Variants in LRRC7 observed in about 807,000 individuals in gnomAD.
The protein encoded by LRRC7 is leucine-rich repeat-containing protein 7.
LRRC7 carries 23 observed loss-of-function variants against 175.7 expected under a neutral mutation model. The observed-to-expected ratio is 0.13, with a 90% CI of 0.09 to 0.19. The LOEUF (loss-of-function observed/expected upper bound fraction) is 0.19, where lower values mean the gene tolerates loss of function less well. Ranked by LOEUF, LRRC7 falls within the 10% of genes least tolerant of loss-of-function variation. The probability of loss-of-function intolerance (pLI) is 1.00; values close to 1 mark genes in which losing one functional copy is unlikely to be tolerated. For missense variants in LRRC7, 1,354 were observed against 1,904.7 expected, an observed-to-expected ratio of 0.71 and a Z score of 5.38; for synonymous variants, 685 against 680.9, an observed-to-expected ratio of 1.01 and a Z score of -0.09.
At chr1:69,757,884 C>T (rs939031407) in intron 2 of LRRC7, among the ~76,000 whole-genome samples, 1 of 151,724 alleles carries the variant, frequency 6.6e-6, no homozygotes, top group Non-Finnish European at 1.5e-5. Flanking sequence ...AAATTAAAAA[C>T]CTGGAAATCT....
chr1:69,958,024 A>G (rs994073944), intron 8 of LRRC7, among the ~76,000 whole-genome samples: 9 of 151,962 alleles, frequency 5.9e-5, no homozygotes, highest in Non-Finnish European at 1.5e-5. Context: ...AAACAGATAT[A>G]CTGTAGAAAC....
rs558025579 is a variant in LRRC7 at position 69,923,262 on chromosome 1, G to C, written c.648-8245G>C. Among the ~76,000 whole-genome samples, 18 of 152,278 alleles carry C rather than the reference G, an allele frequency of 1.2e-4. No individual in the cohort carries two copies. In the South Asian group the frequency reaches 1.7e-3, roughly 14 times the overall value. ...TTCCAAGTCTTTGCTATTGTGAATA[G>C]TGCTGCAATAAACATACATGTGCAT... is the stretch of plus-strand genomic sequence containing the variant. On this transcript the variant is annotated intron_variant, in intron 7 of 26. Coordinates refer to ENST00000651989, the MANE Select transcript of LRRC7 (RefSeq NM_001370785.2).
chr1:69,820,730 A>T (rs753739209), intron 4 of LRRC7, among the ~76,000 whole-genome samples: 4 of 152,154 alleles, frequency 2.6e-5, no homozygotes, highest in African/African-American at 4.8e-5. Flanking sequence ...CATGGTGTAT[A>T]TGTGGCACAT....
chr1:69,939,676 AT>A (rs541880569), intron 8 of LRRC7, among the ~76,000 whole-genome samples: 1 of 152,034 alleles, frequency 6.6e-6, no homozygotes, highest in Admixed American at 6.6e-5. Context: ...AGAAGTGTTG[AT>A]TTTTGTGACT....
At chr1:69,587,234 T>C (rs1473008543) in intron 1 of LRRC7, among the ~76,000 whole-genome samples, 1 of 152,190 alleles carries the variant, frequency 6.6e-6, no homozygotes, top group Non-Finnish European at 1.5e-5. Context: ...TATGAGCATA[T>C]GCTTTTTCTT....
At chr1:69,850,115 C>T (rs963506944) in intron 7 of LRRC7, among the ~76,000 whole-genome samples, 14 of 151,600 alleles carry the variant, frequency 9.2e-5, no homozygotes, top group African/African-American at 3.2e-4. Flanking sequence ...TCCAGAAAGA[C>T]CTTTATGAAC....
chr1:69,738,041 C>T lies in LRRC7; in HGVS notation c.101-22150C>T, dbSNP rs527783199. On this transcript the variant is annotated intron_variant, in intron 2 of 26. Transcript: ENST00000651989. ...AGGAAATCTGACTATTTGGCAGAAA[C>T]GGCTTAATCTTATTCCAGAGGATGA... Among the ~76,000 whole-genome samples the T allele has an allele frequency of 2.0e-4, 31 of 152,064 alleles. 1 individual carries two copies. The South Asian group carries it at 5.2e-3, about 25-fold the overall frequency.
intron 2 of LRRC7, among the ~76,000 whole-genome samples, chr1:69,717,085 TTC>T (rs1376044019): frequency 6.6e-6 from 1 of 151,578 alleles, no homozygotes; most frequent in East Asian, 1.9e-4. Context: ...ATACTTTTTT[TTC>T]AAGATAGAAC....
At chr1:69,810,240 G>C (rs965013888) in intron 4 of LRRC7, among the ~76,000 whole-genome samples, 4 of 152,084 alleles carry the variant, frequency 2.6e-5, no homozygotes, top group Non-Finnish European at 5.9e-5. Flanking sequence ...TCTTCAAGGA[G>C]AACTACAAAC....
chr1:70,061,342 T>G (rs1290904589), intron 23 of LRRC7, among the ~76,000 whole-genome samples: 2 of 152,104 alleles, frequency 1.3e-5, no homozygotes, highest in Non-Finnish European at 2.9e-5. Context: ...AGATGGAGAT[T>G]CTCTGTTTCC....
intron 1 of LRRC7, among the ~76,000 whole-genome samples, chr1:69,611,181 A>T (rs1773331): frequency 0.99 from 150,357 of 152,120 alleles, 74,333 homozygotes; most frequent in Middle Eastern, 1. Context: ...TTAAAGTCAC[A>T]CCACTTTAAT....
intron 24 of LRRC7, among the ~76,000 whole-genome samples, chr1:70,085,264 T>C (rs1663520575): frequency 2.0e-5 from 3 of 152,144 alleles, no homozygotes; most frequent in Non-Finnish European, 4.4e-5. Context: ...TTTTATAATC[T>C]AGCTCTTATG....
At chr1:69,851,571 G>A (rs944706146) in intron 7 of LRRC7, among the ~76,000 whole-genome samples, 4 of 152,090 alleles carry the variant, frequency 2.6e-5, no homozygotes, top group Non-Finnish European at 5.9e-5. Context: ...CTGGTGGCCC[G>A]GGAGTGGAAA....
chr1:70,003,837 T>G (rs762593412), intron 11 of LRRC7, among the ~76,000 whole-genome samples: 2 of 151,036 alleles, frequency 1.3e-5, no homozygotes, highest in African/African-American at 2.5e-5. Context: ...TTGGAACATA[T>G]AGTATCTTTA....
chr1:69,787,454 G>GTT (rs1674595511), intron 3 of LRRC7, among the ~76,000 whole-genome samples: 2 of 152,196 alleles, frequency 1.3e-5, no homozygotes, highest in Non-Finnish European at 2.9e-5. Flanking sequence ...TCTCCATGAG[G>GTT]GCCCTGCCCC....
At chr1:69,823,762 A>G (rs1447604489) in intron 4 of LRRC7, among the ~76,000 whole-genome samples, 4 of 152,154 alleles carry the variant, frequency 2.6e-5, no homozygotes, top group Non-Finnish European at 4.4e-5. Flanking sequence ...ATAATTATAG[A>G]TAGCATTATT....
chr1:69,609,036 T>C (rs564816605), intron 1 of LRRC7, among the ~76,000 whole-genome samples: 3 of 151,162 alleles, frequency 2.0e-5, no homozygotes, highest in Non-Finnish European at 4.4e-5. Context: ...GGAAAAAAAA[T>C]GTCCAGATAA....
rs183374538 is a variant in LRRC7, at chr1:70,027,537, A to G, written c.1795-634A>G. 2.6e-3 allele frequency among the ~76,000 whole-genome samples: 401 copies of G among 152,316 alleles called. 2 individuals carry two copies. Among genetic ancestry groups the G allele is most frequent in the Admixed American group, 7.1e-3 (108 of 15,276 alleles). ...TCTCTTCATTATAAGATATTACTCA[A>G]GAAGCATGTTACTTTCTTAGGGTAA... On this transcript the variant is annotated intron_variant, in intron 17 of 26. Coordinates refer to ENST00000651989, the MANE Select transcript of LRRC7 (RefSeq NM_001370785.2).
chr1:69,620,897 G>A (rs1405253507), intron 1 of LRRC7, among the ~76,000 whole-genome samples: 1 of 152,134 alleles, frequency 6.6e-6, no homozygotes, highest in Non-Finnish European at 1.5e-5. Flanking sequence ...TTATGAGGTA[G>A]TTTTGTTATC....
Sources: gnomAD v4.1 joint callset for allele counts (sites outside exome capture counted in the v4.1 genomes callset) on GRCh38, gnomAD v4.1.1 for gene constraint, MANE v1.5 for transcripts, NCBI Gene and HGNC (gene_info 2026-07-23, HGNC 2026-07-21) for gene names.